SNTG1: variants seen among roughly 807,000 people sequenced by gnomAD.
The protein encoded by SNTG1 is syntrophin gamma 1, also known as gamma-1-syntrophin.
In SNTG1, 39 loss-of-function variants were observed where a neutral mutation model predicts 74.7. That is an observed-to-expected ratio of 0.52 (90% CI 0.40 to 0.68). The LOEUF (loss-of-function observed/expected upper bound fraction) is 0.68, where lower values mean the gene tolerates loss of function less well. Among genes scored for constraint, SNTG1 ranks in the 30% least tolerant of loss-of-function variants. The pLI is 0.00. For missense variants in SNTG1, 685 were observed against 609.5 expected (o/e 1.12, Z -1.30); for synonymous variants, 254 against 217.1 (o/e 1.17, Z -1.49).
At chr8:50,018,223 A>G (rs1387842073) in intron 1 of SNTG1, among the ~76,000 whole-genome samples, 3 of 152,010 alleles carry the variant, frequency 2.0e-5, no homozygotes, top group Non-Finnish European at 2.9e-5. Context: ...AGCTTGAGGA[A>G]GAATATTTAT....
intron 12 of SNTG1, among the ~76,000 whole-genome samples, chr8:50,588,400 C>T (rs543754391): frequency 6.6e-6 from 1 of 152,194 alleles, no homozygotes; most frequent in East Asian, 1.9e-4. Flanking sequence ...AACAGGCGGA[C>T]GGAGTTTTCT....
intron 1 of SNTG1, among the ~76,000 whole-genome samples, chr8:49,999,510 T>C (rs1018592950): frequency 3.3e-5 from 5 of 152,190 alleles, no homozygotes; most frequent in Non-Finnish European, 7.3e-5. Flanking sequence ...TCTCAGTGAC[T>C]TACATCTCAC....
intron 17 of SNTG1, among the ~76,000 whole-genome samples, chr8:50,744,558 T>C (rs2095550978): frequency 6.6e-6 from 1 of 151,976 alleles, no homozygotes; most frequent in Non-Finnish European, 1.5e-5. Flanking sequence ...GTCCGTCTTA[T>C]AACTAACATA....
At chr8:50,780,571 G>A (rs1157582289) in intron 18 of SNTG1, among the ~76,000 whole-genome samples, 1 of 152,030 alleles carries the variant, frequency 6.6e-6, no homozygotes, top group Admixed American at 6.6e-5. Flanking sequence ...ATTTTTTATT[G>A]CATCTATTTG....
At chr8:49,961,772 A>T (rs1464592572) in intron 1 of SNTG1, among the ~76,000 whole-genome samples, 1 of 152,174 alleles carries the variant, frequency 6.6e-6, no homozygotes, top group African/African-American at 2.4e-5. Context: ...CATGGCTCAC[A>T]TTTACCTCGT....
chr8:50,720,598 G>A (rs1283785402), intron 17 of SNTG1, among the ~76,000 whole-genome samples: 2 of 152,170 alleles, frequency 1.3e-5, no homozygotes, highest in Non-Finnish European at 2.9e-5. Flanking sequence ...AGACTCAAGA[G>A]GGATAATGCC....
chr8:50,104,545 T>A (rs572695241), intron 1 of SNTG1, among the ~76,000 whole-genome samples: 113 of 152,294 alleles, frequency 7.4e-4, no homozygotes, highest in African/African-American at 2.6e-3. Flanking sequence ...GAAGCGTTTT[T>A]TTGTGTCTCT....
At chr8:50,073,430 T>C (rs1821551703) in intron 1 of SNTG1, among the ~76,000 whole-genome samples, 1 of 152,184 alleles carries the variant, frequency 6.6e-6, no homozygotes, top group Admixed American at 6.5e-5. Context: ...TTACACTTAC[T>C]TCCTCCATTG....
In SNTG1 at chr8:50,221,327, GA is replaced by G. The variant is rs1412982689; in HGVS notation, c.-28+48698del. The stretch of plus-strand genomic sequence containing the variant: ...AATGTTAAGGAATGTGCAGTAGAGG[GA>G]AAAAATAGTTACAATGGGGAATTAA... On this transcript the variant is annotated intron_variant, in intron 2 of 18. Transcript: ENST00000642720. 7.9e-5 allele frequency among the ~76,000 whole-genome samples: 12 copies of G among 152,018 alleles called. No individual in the cohort carries two copies. The East Asian group carries it at 2.1e-3, about 27-fold the overall frequency.
chr8:50,670,340 A>G (rs941945919), intron 15 of SNTG1, among the ~76,000 whole-genome samples: 9 of 152,134 alleles, frequency 5.9e-5, no homozygotes, highest in Admixed American at 2.6e-4. Context: ...CAACTTCAGC[A>G]AAGTCTCAGG....
At chr8:50,309,943 C>T (rs1460872390) in intron 2 of SNTG1, among the ~76,000 whole-genome samples, 2 of 152,154 alleles carry the variant, frequency 1.3e-5, no homozygotes, top group Non-Finnish European at 1.5e-5. Flanking sequence ...GTTTTAACTT[C>T]TGTGGTATTA....
intron 13 of SNTG1, among the ~76,000 whole-genome samples, chr8:50,605,259 C>A (rs1409445640): frequency 1.3e-5 from 2 of 151,430 alleles, no homozygotes; most frequent in African/African-American, 2.4e-5. Flanking sequence ...TGGTATCTCC[C>A]TAGGTCAGGT....
chr8:50,271,967 T>C (rs1274217936), intron 2 of SNTG1, among the ~76,000 whole-genome samples: 1 of 152,150 alleles, frequency 6.6e-6, no homozygotes, highest in African/African-American at 2.4e-5. Flanking sequence ...GGAGCTCTTT[T>C]GTTTTTTTGA....
At chr8:50,067,789 C>A (rs1040828389) in intron 1 of SNTG1, among the ~76,000 whole-genome samples, 1 of 152,150 alleles carries the variant, frequency 6.6e-6, no homozygotes, top group Non-Finnish European at 1.5e-5. Flanking sequence ...CTTAGGGTCA[C>A]CCACAGATGA....
intron 2 of SNTG1, among the ~76,000 whole-genome samples, chr8:50,220,691 AC>A (rs1289046094): frequency 6.6e-6 from 1 of 152,180 alleles, no homozygotes. Context: ...AGAGTGCAGC[AC>A]AGTAGGAAGA....
intron 11 of SNTG1, among the ~76,000 whole-genome samples, chr8:50,545,033 T>C (rs1176975726): frequency 3.3e-5 from 5 of 152,070 alleles, no homozygotes; most frequent in Non-Finnish European, 5.9e-5. Context: ...GTTGATTTCA[T>C]ATTTTGACTA....
rs78328709 is a variant in SNTG1 at position 50,547,698 on chromosome 8, C to G, written c.681-5352C>G. Among the ~76,000 whole-genome samples, 612 of 152,088 alleles carry G rather than the reference C, an allele frequency of 4.0e-3. 25 individuals carry two copies. In the East Asian group the frequency reaches 0.092, roughly 23 times the overall value. ...ACAATAAAAATAAAAAGAAATAACC[C>G]TTGAAGAAGTATATGTATTCTGGTA... On this transcript the variant is annotated intron_variant, in intron 11 of 18. Coordinates refer to ENST00000642720, the MANE Select transcript of SNTG1 (RefSeq NM_018967.5).
intron 1 of SNTG1, among the ~76,000 whole-genome samples, chr8:50,016,469 A>G (rs1816325856): frequency 1.3e-5 from 2 of 152,086 alleles, no homozygotes; most frequent in Non-Finnish European, 2.9e-5. Flanking sequence ...GACAACTTAG[A>G]TGATTGCTCT....
chr8:50,005,435 T>G (rs1022777597), intron 1 of SNTG1, among the ~76,000 whole-genome samples: 3 of 150,978 alleles, frequency 2.0e-5, no homozygotes, highest in African/African-American at 4.9e-5. Flanking sequence ...CAGTGGAGAT[T>G]ATTTCAATAC....
Sources: allele counts gnomAD v4.1 joint callset (sites outside exome capture counted in the v4.1 genomes callset), GRCh38; gene constraint gnomAD v4.1.1; transcripts MANE v1.5; gene names NCBI Gene and HGNC (gene_info 2026-07-23, HGNC 2026-07-21).